Variants in KIFC2 observed in about 807,000 individuals in gnomAD.
The protein encoded by KIFC2 is kinesin family member C2, also known as kinesin-like protein KIFC2.
Under a neutral mutation model 91.5 loss-of-function variants are expected in KIFC2, and 94 were observed. The ratio of observed to expected loss-of-function variants is 1.03; its 90% CI spans 0.87 to 1.22. KIFC2 has a LOEUF of 1.22. Among genes scored for constraint, KIFC2 ranks in the 50% most tolerant of loss-of-function variants. The probability of loss-of-function intolerance (pLI) is 0.00; values close to 1 mark genes in which losing one functional copy is unlikely to be tolerated. For missense variants in KIFC2, 1,357 were observed against 1,103.3 expected (o/e 1.23, Z -3.26); for synonymous variants, 729 against 503.9 (o/e 1.45, Z -5.98).
At chr8:144,472,746 G>A (rs1184346042) in intron 16 of KIFC2, 40 bp downstream of exon 16, 2 of 1,592,100 alleles carry the variant, frequency 1.3e-6, no homozygotes, top group Non-Finnish European at 1.7e-6. Flanking sequence ...AGTCTCCAGA[G>A]CACCCGAGGC....
rs1232887568 is a variant in KIFC2, at chr8:144,467,301, G to A, written c.429G>A (p.Gly143=). The A allele has an allele frequency of 2.5e-6, 4 of 1,612,616 alleles. No homozygotes were observed. In the African/African-American group the frequency reaches 5.3e-5, roughly 22 times the overall value. The change falls in exon 4 of 18, where the codon GGG becomes GGA. Residue 143 remains glycine, a synonymous_variant. Coordinates refer to ENST00000645548, the MANE Select transcript of KIFC2 (RefSeq NM_001369769.2). ...SPRGRQALLQ[G]TQPAPRVRPP... is the part of the protein sequence containing the mutation. ...GGGGGAGGCAGGCCCTGCTCCAGGG[G>A]ACTCAGCCAGCCCCTCGGGTCCGGC...
intron 12 of KIFC2, 43 bp from the exon 13 acceptor site, chr8:144,471,899 C>T (rs1167075289): frequency 1.9e-6 from 3 of 1,575,406 alleles, no homozygotes; most frequent in Non-Finnish European, 1.7e-6. Flanking sequence ...CATAAACAGG[C>T]AACGTGGGGA....
At chr8:144,468,186 C>CT (rs751118710) in intron 7 of KIFC2, 143 bp from the exon 8 acceptor site, 131 of 1,020,124 alleles carry the variant, frequency 1.3e-4, no homozygotes, top group Non-Finnish European at 1.8e-4. Flanking sequence ...AGCAGAGGGA[C>CT]TGTGGGAAGG....
At chr8:144,466,579 G>A in intron 1 of KIFC2, 61 bp downstream of exon 1, 1 of 988,708 alleles carries the variant, frequency 1.0e-6, no homozygotes, top group Non-Finnish European at 1.3e-6. Flanking sequence ...CCCACGCCGA[G>A]GTTCCCGGGG....
chr8:144,469,356 C>T lies in KIFC2; in HGVS notation c.1199C>T (p.Pro400Leu). Residue 400 changes from proline (P) to leucine (L), a missense_variant, in exon 11 of 18, where the codon CCA becomes CTA. Coordinates refer to ENST00000645548, the MANE Select transcript of KIFC2 (RefSeq NM_001369769.2). ...EGQQGPPAGC[P>L]GRLPELKGNI... ...CAGCAAGGGCCCCCAGCCGGATGCC[C>T]AGGGCGGCTGCCAGAACTCAAGGGT... 6.2e-7 allele frequency: 1 copy of T among 1,610,130 alleles called. No homozygotes were observed.
chr8:144,473,995 C>A lies in KIFC2; in HGVS notation c.*606C>A. On this transcript the variant is annotated 3_prime_UTR_variant, in exon 18 of 18. Coordinates refer to ENST00000645548, the MANE Select transcript of KIFC2 (RefSeq NM_001369769.2). ...TAGGAAGGGCTATTCCAGGCTCAGC[C>A]CTGCTCCTGCAGCTTTGCCGCTGAG... 1.8e-6 allele frequency: 1 copy of A among 566,812 alleles called. No individual in the cohort carries two copies. The highest frequency in any genetic ancestry group is 3.1e-6 in the Non-Finnish European group (1 of 319,946). The allele number at this position is 566,812 out of a possible 1,614,324, so 35.1% of individuals were successfully genotyped here.
Position 144,473,760 on chromosome 8 carries a change from AT to A in KIFC2, c.*372del, listed in dbSNP as rs771753880. ...AAACGTTGCAAATTCCTTTACTGTT[AT>A]CCCCCCCACCACCAGGACCATGTAG... On this transcript the variant is annotated 3_prime_UTR_variant, in exon 18 of 18. Transcript: ENST00000645548. The A allele has an allele frequency of 1.9e-4, 72 of 386,010 alleles. No homozygotes were observed. The highest frequency in any genetic ancestry group is 2.8e-4 in the Non-Finnish European group (61 of 215,764). The allele number at this position is 386,010 out of a possible 1,614,324, so 23.9% of individuals were successfully genotyped here.
chr8:144,467,782 G>A lies in KIFC2; in HGVS notation c.681+3G>A, dbSNP rs1288403593. The A allele has an allele frequency of 5.6e-6, 9 of 1,613,636 alleles. No homozygotes were observed. In the Admixed American group the frequency reaches 8.3e-5, roughly 15 times the overall value. ...TGGGTCGACTGCGCCTGGGCGTGGT[G>A]AGGCTGCAGGGAGACCTGGCAGGGC... On this transcript the variant is annotated splice_donor_region_variant and intron_variant, in intron 6 of 17. Transcript: ENST00000645548.
At chr8:144,468,858 C>T (rs759780595) in intron 10 of KIFC2, 24 bp downstream of exon 10, 18 of 1,583,374 alleles carry the variant, frequency 1.1e-5, no homozygotes, top group South Asian at 5.5e-5. Flanking sequence ...CCCGCCTAGC[C>T]CCTCCTCTCT....
At chr8:144,469,924 C>A (rs114593962) in intron 12 of KIFC2, among the ~76,000 whole-genome samples, 2,875 of 152,372 alleles carry the variant, frequency 0.019, 89 homozygotes, top group African/African-American at 0.066. Context: ...TTTATGGCCC[C>A]AAGGCAGGCG....
At position 144,472,718 on chromosome 8, in the gene KIFC2, G is replaced by A. The variant is rs367794438; in HGVS notation, c.1861+12G>A. The stretch of plus-strand genomic sequence containing the variant: ...TCCAGGCACCGCAGGTACCACGGCC[G>A]GTGCCTGAGCCCTGCGGAGTCTCCA... On this transcript the variant is annotated intron_variant, in intron 16 of 17. Coordinates refer to ENST00000645548, the MANE Select transcript of KIFC2 (RefSeq NM_001369769.2). 5.0e-6 allele frequency: 8 copies of A among 1,592,676 alleles called. No individual in the cohort carries two copies. The African/African-American group carries it at 8.0e-5, about 16-fold the overall frequency.
chr8:144,472,849 C>G lies in KIFC2; in HGVS notation c.1916C>G (p.Ala639Gly), dbSNP rs900752912. The G allele has an allele frequency of 6.4e-7, 1 of 1,551,248 alleles. No individual in the cohort carries two copies. The highest frequency in any genetic ancestry group is 1.4e-5 in the African/African-American group (1 of 70,776). ...AGSERARKAG[A>G]AGPPRGDPDG... ...TCCGAACGCGCACGGAAGGCAGGGG[C>G]GGCCGGCCCGCCGCGGGGAGACCCA... The change falls in exon 17 of 18, where the codon GCG becomes GGG. Residue 639 changes from alanine (A) to glycine (G), a missense_variant. Physicochemically the swap from Ala to Gly is moderately conservative, Grantham distance 60 (BLOSUM62 0). Transcript: ENST00000645548.
At chr8:144,468,142 C>G in intron 7 of KIFC2, 155 bp downstream of exon 7, 1 of 1,112,116 alleles carries the variant, frequency 9.0e-7, no homozygotes, top group Non-Finnish European at 1.3e-6. Context: ...AGACCCCCCT[C>G]TCCGTGGCCC....
rs370334441 is a variant in KIFC2, at chr8:144,471,894, A to T, written c.1381-48A>T. ...CCCCACCCCACCAAATAGGGCATAA[A>T]CAGGCAACGTGGGGAGGACTCAAAA... is the stretch of plus-strand genomic sequence containing the variant. On this transcript the variant is annotated intron_variant, in intron 12 of 17. Coordinates refer to ENST00000645548, the MANE Select transcript of KIFC2 (RefSeq NM_001369769.2). 44 of 1,564,430 alleles carry T rather than the reference A, an allele frequency of 2.8e-5. No homozygotes were observed. The Middle Eastern group carries it at 1.2e-3, about 42-fold the overall frequency.
rs1586719510 is a variant in KIFC2, at chr8:144,467,756, T to G, written c.658T>G (p.Leu220Val). 2.5e-6 allele frequency: 4 copies of G among 1,613,504 alleles called. No individual in the cohort carries two copies. Among genetic ancestry groups the G allele is most frequent in the Non-Finnish European group, 3.4e-6 (4 of 1,179,898 alleles). The change falls in exon 6 of 18, where the codon TTG (leucine) becomes GTG (valine). Residue 220 changes from leucine to valine, a missense_variant. Coordinates refer to ENST00000645548, the MANE Select transcript of KIFC2 (RefSeq NM_001369769.2). ...KQQLEQQEEELGRLRLGVGAT... is the reference protein window; with the variant it reads ...KQQLEQQEEEVGRLRLGVGAT... ...GCAGCTGGAACAGCAGGAGGAGGAGTTGGGTCGACTGCGCCTGGGCGTGGT... is the reference window on the plus strand; with the variant it reads ...GCAGCTGGAACAGCAGGAGGAGGAGGTGGGTCGACTGCGCCTGGGCGTGGT...
chr8:144,466,509 C>T lies in KIFC2; in HGVS notation c.90C>T (p.Asp30=). 2 of 1,295,116 alleles carry T rather than the reference C, an allele frequency of 1.5e-6. No individual in the cohort carries two copies. Among genetic ancestry groups the T allele is most frequent in the South Asian group, 2.1e-5 (1 of 48,026 alleles). The allele number at this position is 1,295,116 out of a possible 1,614,324, so 80.2% of individuals were successfully genotyped here. A position where few individuals can be genotyped will look rare whatever the true frequency, so the allele number is the denominator to read the frequency against. The part of the protein sequence containing the change: ...GGAAAAAEPG[D]PAQRARKPRG... ...CCGCGGCGGCCGCGGAGCCCGGGGA[C>T]CCCGCCCAGGTGAGCGGGGCTGGCC... Residue 30 remains aspartate, a synonymous_variant, in exon 1 of 18, where the codon GAC becomes GAT. Transcript: ENST00000645548.
Position 144,473,507 on chromosome 8 carries a change from T to C in KIFC2, c.*118T>C, listed in dbSNP as rs1219279935. On this transcript the variant is annotated 3_prime_UTR_variant, in exon 18 of 18. Coordinates refer to ENST00000645548, the MANE Select transcript of KIFC2 (RefSeq NM_001369769.2). ...AAGCTCCCTAGCCTCTTTGGATCCA[T>C]TGCCCCTGAGCTCCCAGAGTCACCC... 6 of 1,287,110 alleles carry C rather than the reference T, an allele frequency of 4.7e-6. No individual in the cohort carries two copies. The highest frequency in any genetic ancestry group is 5.1e-6 in the Non-Finnish European group (5 of 971,474). The allele number at this position is 1,287,110 out of a possible 1,614,324, so 79.7% of individuals were successfully genotyped here.
At chr8:144,468,093 T>C in intron 7 of KIFC2, 106 bp downstream of exon 7, 1 of 1,385,000 alleles carries the variant, frequency 7.2e-7, no homozygotes, top group Non-Finnish European at 9.6e-7. Context: ...GGATGGTCTG[T>C]GTAGGGCAGC....
chr8:144,467,358 A>G lies in KIFC2; in HGVS notation c.469+17A>G. 3 of 1,581,672 alleles carry G rather than the reference A, an allele frequency of 1.9e-6. No individual in the cohort carries two copies. Among genetic ancestry groups the G allele is most frequent in the Non-Finnish European group, 1.7e-6 (2 of 1,165,296 alleles). On this transcript the variant is annotated intron_variant, in intron 4 of 17. Transcript: ENST00000645548. ...CTCCAGATGGTGAGTAAAGGACAGTAAGTTGAAGAAGAACTCTGGAGGGAG... is the reference window on the plus strand; with the variant it reads ...CTCCAGATGGTGAGTAAAGGACAGTGAGTTGAAGAAGAACTCTGGAGGGAG...
Sources: gnomAD v4.1 joint callset for allele counts (sites outside exome capture counted in the v4.1 genomes callset) on GRCh38, gnomAD v4.1.1 for gene constraint, MANE v1.5 for transcripts, NCBI Gene and HGNC (gene_info 2026-07-23, HGNC 2026-07-21) for gene names.